The following MAP2K6 variants were observed in gnomAD, a reference collection of about 807,000 sequenced individuals.
The protein encoded by MAP2K6 is mitogen-activated protein kinase kinase 6.
A neutral mutation model predicts 53.7 loss-of-function variants in MAP2K6; 16 were observed. That is an observed-to-expected ratio of 0.30 (90% confidence interval 0.20 to 0.45). MAP2K6 has a LOEUF of 0.45. Among genes scored for constraint, MAP2K6 ranks in the 20% least tolerant of loss-of-function variants. MAP2K6 has a pLI of 1.00. For missense variants in MAP2K6, 204 were observed against 411.9 expected (o/e 0.50, Z 4.37); for synonymous variants, 132 against 143.1 (o/e 0.92, Z 0.55).
intron 1 of MAP2K6, among the ~76,000 whole-genome samples, chr17:69,467,481 T>C (rs549641344): frequency 6.6e-6 from 1 of 152,298 alleles, no homozygotes; most frequent in East Asian, 1.9e-4. Context: ...TATGGAGCTG[T>C]GAAATGCCAT....
In MAP2K6 at chr17:69,458,420, G is replaced by A. The variant is rs533537712; in HGVS notation, c.16+43420G>A. Among the ~76,000 whole-genome samples, 3 of 152,286 alleles carry A rather than the reference G, an allele frequency of 2.0e-5. No homozygotes were observed. The East Asian group carries it at 5.8e-4, about 29-fold the overall frequency. ...ACCTACTGAATCAGAATCCCAGTGG[G>A]GAGGGCCACTGTATTTTAAACAAAT... On this transcript the variant is annotated intron_variant, in intron 1 of 11. Coordinates refer to ENST00000590474, the MANE Select transcript of MAP2K6 (RefSeq NM_002758.4).
chr17:69,427,129 G>A (rs141877833), intron 1 of MAP2K6, among the ~76,000 whole-genome samples: 3 of 152,222 alleles, frequency 2.0e-5, no homozygotes, highest in African/African-American at 4.8e-5. Context: ...GCTTGGCCAC[G>A]GCTGTAATTT....
chr17:69,553,677 C>G lies in MAP2K6; in HGVS notation c.*11924C>G, dbSNP rs563445204. 1 of 152,152 alleles carries G rather than the reference C, an allele frequency of 6.6e-6. No homozygotes were observed. The highest frequency in any genetic ancestry group is 2.4e-5 in the African/African-American group (1 of 41,444). 9.4% of individuals were successfully genotyped at this position (152,152 alleles called of 1,614,324 possible). On this transcript the variant is annotated 3_prime_UTR_variant, in exon 12 of 12. Coordinates refer to ENST00000590474, the MANE Select transcript of MAP2K6 (RefSeq NM_002758.4). ...CAAACTGACTCAAACAACAGTTTAA[C>G]GATAGAGAAGACAGTGATAATGGCA... is the stretch of plus-strand genomic sequence containing the variant.
intron 1 of MAP2K6, among the ~76,000 whole-genome samples, chr17:69,427,191 G>T (rs1906300650): frequency 6.6e-6 from 1 of 151,822 alleles, no homozygotes; most frequent in South Asian, 2.1e-4. Context: ...ATTTCTTTTT[G>T]TTTTTCTCGA....
chr17:69,463,468 GTA>G (rs751347128), intron 1 of MAP2K6, among the ~76,000 whole-genome samples: 4 of 148,894 alleles, frequency 2.7e-5, no homozygotes, highest in Non-Finnish European at 5.9e-5. Flanking sequence ...ATGTATGTGT[GTA>G]TATATATACA....
intron 1 of MAP2K6, among the ~76,000 whole-genome samples, chr17:69,422,052 C>T (rs1205739433): frequency 1.3e-5 from 2 of 151,914 alleles, no homozygotes; most frequent in African/African-American, 4.8e-5. Context: ...TCCATAATCT[C>T]CCTCTTTCTG....
chr17:69,444,729 G>A (rs1023914314), intron 1 of MAP2K6, among the ~76,000 whole-genome samples: 3 of 152,110 alleles, frequency 2.0e-5, no homozygotes, highest in African/African-American at 7.2e-5. Context: ...TGAGTATCCA[G>A]CACTTTAAGC....
At chr17:69,446,976 C>CTTTTT (rs71357721) in intron 1 of MAP2K6, among the ~76,000 whole-genome samples, 1 of 129,522 alleles carries the variant, frequency 7.7e-6, no homozygotes. Flanking sequence ...ACCTCTGTTT[C>CTTTTT]TTTTTTTTTT....
chr17:69,425,069 G>C (rs895717755), intron 1 of MAP2K6, among the ~76,000 whole-genome samples: 2 of 152,160 alleles, frequency 1.3e-5, no homozygotes, highest in Non-Finnish European at 2.9e-5. Context: ...ACAAGAACGT[G>C]GCCAGTGTGG....
At chr17:69,512,333 TTTTTTG>T (rs1292841323) in intron 2 of MAP2K6, among the ~76,000 whole-genome samples, 4,604 of 81,384 alleles carry the variant, frequency 0.057, 376 homozygotes, top group South Asian at 0.11. Context: ...TAAGTGTTTT[TTTTTTG>T]TTTTTTTTTT....
chr17:69,495,925 AACCGAG>A, intron 1 of MAP2K6, among the ~76,000 whole-genome samples: 1 of 152,094 alleles, frequency 6.6e-6, no homozygotes, highest in Non-Finnish European at 1.5e-5. Flanking sequence ...GAAGGAGATG[AACCGAG>A]ACAGTAGGAG....
intron 10 of MAP2K6, among the ~76,000 whole-genome samples, chr17:69,530,230 G>A (rs186861021): frequency 1.5e-4 from 23 of 152,148 alleles, no homozygotes; most frequent in Non-Finnish European, 3.2e-4. Flanking sequence ...TGGGAGGATC[G>A]CTTGAGCTTG....
At chr17:69,473,315 A>AGTGTTCACC (rs750460316) in intron 1 of MAP2K6, among the ~76,000 whole-genome samples, 5 of 152,214 alleles carry the variant, frequency 3.3e-5, no homozygotes, top group Non-Finnish European at 5.9e-5. Context: ...AAATGTTCAC[A>AGTGTTCACC]GTAAAATGCC....
rs567100998 is a variant in MAP2K6 at position 69,479,742 on chromosome 17, G to C, written c.17-26038G>C. ...TTCTTTTTTTTTTTTTTTTGAGATG[G>C]AGTCTCACTCTGTTGCTCAGGCTGG... is the stretch of plus-strand genomic sequence containing the variant. On this transcript the variant is annotated intron_variant, in intron 1 of 11. Coordinates refer to ENST00000590474, the MANE Select transcript of MAP2K6 (RefSeq NM_002758.4). Among the ~76,000 whole-genome samples the C allele has an allele frequency of 1.3e-4, 20 of 149,394 alleles. No individual in the cohort carries two copies. In the East Asian group the frequency reaches 3.7e-3, roughly 28 times the overall value.
At chr17:69,475,281 G>C (rs1277911422) in intron 1 of MAP2K6, among the ~76,000 whole-genome samples, 1 of 147,812 alleles carries the variant, frequency 6.8e-6, no homozygotes, top group Admixed American at 7.0e-5. Context: ...CCATTCTCCT[G>C]CCTCAGCCTC....
At chr17:69,455,701 TTC>T (rs1180324435) in intron 1 of MAP2K6, among the ~76,000 whole-genome samples, 1 of 152,126 alleles carries the variant, frequency 6.6e-6, no homozygotes, top group Non-Finnish European at 1.5e-5. Flanking sequence ...TCTCTGCATA[TTC>T]TTGTTTGTTC....
intron 1 of MAP2K6, among the ~76,000 whole-genome samples, chr17:69,451,707 C>G (rs1402863131): frequency 6.6e-6 from 1 of 152,012 alleles, no homozygotes; most frequent in Non-Finnish European, 1.5e-5. Context: ...GTGGAGTGGC[C>G]CTATCCAGAG....
At chr17:69,515,392 G>A (rs1567849388) in intron 2 of MAP2K6, among the ~76,000 whole-genome samples, 1 of 151,970 alleles carries the variant, frequency 6.6e-6, no homozygotes, top group Admixed American at 6.6e-5. Flanking sequence ...CCTGACCTCA[G>A]GTGATCCGCC....
intron 1 of MAP2K6, among the ~76,000 whole-genome samples, chr17:69,504,272 CT>C (rs1025140037): frequency 1.3e-5 from 2 of 149,858 alleles, no homozygotes; most frequent in Non-Finnish European, 3.0e-5. Context: ...AGGTAGGATT[CT>C]TTTTTTTTCT....
Sources: allele counts gnomAD v4.1 joint callset (sites outside exome capture counted in the v4.1 genomes callset), GRCh38; gene constraint gnomAD v4.1.1; transcripts MANE v1.5; gene names NCBI Gene and HGNC (gene_info 2026-07-23, HGNC 2026-07-21).